The following LSM7 variants were observed in gnomAD, a reference collection of about 807,000 sequenced individuals.
LSM7 encodes the protein U6 snRNA-associated Sm-like protein LSm7.
LSM7 carries 13 observed loss-of-function variants against 14.1 expected under a neutral mutation model. That is an observed-to-expected ratio of 0.92 (90% confidence interval 0.60 to 1.47). The LOEUF (loss-of-function observed/expected upper bound fraction) is 1.47, where lower values mean the gene tolerates loss of function less well. LSM7 is among the 40% of genes most tolerant of loss of function. The pLI, the probability that LSM7 is intolerant of heterozygous loss-of-function variation, is 0.00. For synonymous variants in LSM7, 70 were observed against 57.1 expected (o/e 1.23, Z -1.02); for missense variants, 108 against 140.8 (o/e 0.77, Z 1.18).
rs1968089095 is a variant in LSM7 at position 2,328,439 on chromosome 19, C to T, written c.45G>A (p.Leu15=). 1 of 1,613,864 alleles carries T rather than the reference C, an allele frequency of 6.2e-7. No homozygotes were observed. The highest frequency in any genetic ancestry group is 8.5e-7 in the Non-Finnish European group (1 of 1,179,882). The change falls in exon 2 of 4, where the codon TTG becomes TTA. Residue 15 remains leucine (L), a synonymous_variant. Transcript: ENST00000252622. The stretch of plus-strand genomic sequence containing the variant: ...GGATCGTCTTGTCGATGTACTTGGA[C>T]AAGTCCAAGATGCTCTCCTTTTTCT... ...EKKKKESILD[L]SKYIDKTIRV... is the part of the protein sequence containing the mutation.
chr19:2,325,753 C>T (rs555354233), intron 2 of LSM7, among the ~76,000 whole-genome samples: 137 of 152,384 alleles, frequency 9.0e-4, no homozygotes, highest in African/African-American at 3.1e-3. Flanking sequence ...CACACTCGCC[C>T]GCTCAGGCGC....
At position 2,321,645 on chromosome 19, in the gene LSM7, G is replaced by C. The variant is rs77744086; in HGVS notation, c.*35C>G. ...AAGTCCGCGGGAAACCGAGCTGCTC[G>C]GGCCTGCCCTGCACCCCCCGCGCCC... On this transcript the variant is annotated 3_prime_UTR_variant, in exon 4 of 4. Coordinates refer to ENST00000252622, the MANE Select transcript of LSM7 (RefSeq NM_016199.3). The surrounding 1 kb of genome is among the most constrained non-coding windows in gnomAD (Gnocchi z 5.0). 7.1e-7 allele frequency: 1 copy of C among 1,400,026 alleles called. No homozygotes were observed. The allele number at this position is 1,400,026 out of a possible 1,614,324, so 86.7% of individuals were successfully genotyped here. A position where few individuals can be genotyped will look rare whatever the true frequency, so the allele number is the denominator to read the frequency against.
chr19:2,327,388 G>A (rs1213439059), intron 2 of LSM7, among the ~76,000 whole-genome samples: 3 of 151,816 alleles, frequency 2.0e-5, no homozygotes, highest in South Asian at 2.1e-4. Context: ...GACTACAAGC[G>A]TGCGCCACCA....
intron 2 of LSM7, among the ~76,000 whole-genome samples, chr19:2,327,677 C>G (rs1968060028): frequency 6.6e-6 from 1 of 152,202 alleles, no homozygotes; most frequent in Admixed American, 6.5e-5. Flanking sequence ...GCTGGGATTA[C>G]ACACGTGAGC....
At position 2,321,861 on chromosome 19, in the gene LSM7, G is replaced by T; in HGVS notation, c.170-39C>A. 7.3e-7 allele frequency: 1 copy of T among 1,370,522 alleles called. No homozygotes were observed. The highest frequency in any genetic ancestry group is 3.0e-5 in the East Asian group (1 of 33,344). The allele number at this position is 1,370,522 out of a possible 1,614,324, so 84.9% of individuals were successfully genotyped here. On this transcript the variant is annotated intron_variant, in intron 3 of 3. Transcript: ENST00000252622. This position sits in a 1 kb window ranked among gnomAD's most constrained non-coding sequence, Gnocchi z 5.0. ...GATAGAGAGGACTGAGGGACCTCCA[G>T]GAAGCCTCCGAGACCCCCCACCCAC...
chr19:2,327,557 A>G (rs1429481915), intron 2 of LSM7, among the ~76,000 whole-genome samples: 1 of 150,456 alleles, frequency 6.6e-6, no homozygotes, highest in African/African-American at 2.5e-5. Context: ...TTCTCTTTTG[A>G]GACTGGGCCT....
At chr19:2,322,466 A>G (rs1353773815) in intron 3 of LSM7, among the ~76,000 whole-genome samples, 4 of 152,246 alleles carry the variant, frequency 2.6e-5, no homozygotes, top group East Asian at 1.9e-4. Flanking sequence ...GTGTGAACCC[A>G]GGAGGCGGAG....
At position 2,326,615 on chromosome 19, in the gene LSM7, C is replaced by T. The variant is rs10419439; in HGVS notation, c.97+1772G>A. On this transcript the variant is annotated intron_variant, in intron 2 of 3. Transcript: ENST00000252622. The stretch of plus-strand genomic sequence containing the variant: ...CCTCCCAAAGTGCTGGGATTACAGG[C>T]GTGAGCCACAGCGCCCAGTTAATTG... Among the ~76,000 whole-genome samples the T allele has an allele frequency of 7.6e-3, 1,155 of 152,282 alleles. 14 individuals carry two copies. Among genetic ancestry groups the T allele is most frequent in the African/African-American group, 0.026 (1,095 of 41,548 alleles).
In LSM7 at chr19:2,321,606, T is replaced by A. The variant is rs1967934297; in HGVS notation, c.*74A>T. ...TCCGTTCCAGGAGGCGGTACTGCGG[T>A]GGGAGCAGCAGCCAAGTCCGCGGGA... On this transcript the variant is annotated 3_prime_UTR_variant, in exon 4 of 4. Coordinates refer to ENST00000252622, the MANE Select transcript of LSM7 (RefSeq NM_016199.3). This position sits in a 1 kb window ranked among gnomAD's most constrained non-coding sequence, Gnocchi z 5.0. 7.7e-7 allele frequency: 1 copy of A among 1,305,108 alleles called. No homozygotes were observed. Among genetic ancestry groups the A allele is most frequent in the East Asian group, 3.1e-5 (1 of 32,248 alleles). The allele number at this position is 1,305,108 out of a possible 1,614,324, so 80.8% of individuals were successfully genotyped here. A position where few individuals can be genotyped will look rare whatever the true frequency, so the allele number is the denominator to read the frequency against.
intron 3 of LSM7, among the ~76,000 whole-genome samples, chr19:2,323,193 C>T (rs771184791): frequency 3.9e-5 from 6 of 151,984 alleles, no homozygotes; most frequent in African/African-American, 1.2e-4. Flanking sequence ...GGGAGGGGAG[C>T]GAGCGGGGGC....
intron 2 of LSM7, chr19:2,324,470 G>A (rs1008770080): frequency 2.0e-6 from 1 of 507,452 alleles, no homozygotes; most frequent in Non-Finnish European, 3.6e-6. Context: ...GGCTGCCTGG[G>A]TGGAGGCAGC....
At chr19:2,325,047 A>T (rs1448783377) in intron 2 of LSM7, 1 of 152,274 alleles carries the variant, frequency 6.6e-6, no homozygotes, top group Non-Finnish European at 1.5e-5. Context: ...TGCGGGGAGC[A>T]GGCAACAGAG....
intron 3 of LSM7, among the ~76,000 whole-genome samples, chr19:2,323,414 G>A (rs13382068): frequency 7.5e-4 from 114 of 152,300 alleles, no homozygotes; most frequent in African/African-American, 2.6e-3. Flanking sequence ...TTGAGCCCAG[G>A]AGTTCGAGAC....
At chr19:2,326,299 C>T (rs943554639) in intron 2 of LSM7, among the ~76,000 whole-genome samples, 15 of 147,022 alleles carry the variant, frequency 1.0e-4, no homozygotes, top group Non-Finnish European at 1.8e-4. Context: ...AGGGACCAAA[C>T]CCTTTCTGCT....
chr19:2,322,431 C>T (rs1967948634), intron 3 of LSM7, among the ~76,000 whole-genome samples: 1 of 152,216 alleles, frequency 6.6e-6, no homozygotes, highest in Admixed American at 6.5e-5. Flanking sequence ...GTCCCAGCTA[C>T]TCGGGAGGCT....
At chr19:2,323,598 G>GCC (rs1568420710) in intron 3 of LSM7, among the ~76,000 whole-genome samples, 26 of 152,262 alleles carry the variant, frequency 1.7e-4, no homozygotes, top group African/African-American at 4.6e-4. Flanking sequence ...TTACAGGCAT[G>GCC]CGCCACCACA....
chr19:2,321,968 T>G lies in LSM7; in HGVS notation c.170-146A>C. The stretch of plus-strand genomic sequence containing the variant: ...GGGACCTCAGACGGGATGCGCTCTG[T>G]GGGGCAGGTCCCCGGCTCCCACGGC... On this transcript the variant is annotated intron_variant, in intron 3 of 3. Transcript: ENST00000252622. The surrounding 1 kb of genome is among the most constrained non-coding windows in gnomAD (Gnocchi z 5.0). The G allele has an allele frequency of 4.2e-6, 3 of 711,942 alleles. No individual in the cohort carries two copies. The highest frequency in any genetic ancestry group is 6.0e-6 in the Non-Finnish European group (3 of 496,296). The allele number at this position is 711,942 out of a possible 1,614,324, so 44.1% of individuals were successfully genotyped here.
At position 2,328,386 on chromosome 19, in the gene LSM7, C is replaced by T; in HGVS notation, c.97+1G>A. The T allele has an allele frequency of 1.2e-6, 2 of 1,613,788 alleles. No individual in the cohort carries two copies. Among genetic ancestry groups the T allele is most frequent in the Non-Finnish European group, 1.7e-6 (2 of 1,179,822 alleles). On this transcript the variant is annotated splice_donor_variant, in intron 2 of 3. Transcript: ENST00000252622. LOFTEE classifies it high-confidence loss of function. ...GGTACCGACAGCGGGAGCCTCCTCA[C>T]CTTCGCGGCCTCCCTGGAACTTTAC...
chr19:2,324,116 C>A lies in LSM7; in HGVS notation c.169+9G>T. The stretch of plus-strand genomic sequence containing the variant: ...TCCCGCTGCCTGCCTCGGCCGCCAC[C>A]CCACTCACCTCGCATGTACTCAATG... On this transcript the variant is annotated intron_variant, in intron 3 of 3. Coordinates refer to ENST00000252622, the MANE Select transcript of LSM7 (RefSeq NM_016199.3). 6.4e-7 allele frequency: 1 copy of A among 1,560,774 alleles called. No individual in the cohort carries two copies.
Sources: allele counts gnomAD v4.1 joint callset (sites outside exome capture counted in the v4.1 genomes callset), GRCh38; gene constraint gnomAD v4.1.1; non-coding constraint Gnocchi (gnomAD v3.1); transcripts MANE v1.5; gene names NCBI Gene and HGNC (gene_info 2026-07-23, HGNC 2026-07-21).